FAM151B: variants seen among roughly 807,000 people sequenced by gnomAD.
FAM151B encodes protein FAM151B.
In FAM151B, 24 loss-of-function variants were observed where a neutral mutation model predicts 31.2. That is an observed-to-expected ratio of 0.77 (90% CI 0.56 to 1.08). FAM151B has a LOEUF of 1.08. FAM151B is among the 50% of genes least tolerant of loss of function. The probability of loss-of-function intolerance (pLI) is 0.00; values close to 1 mark genes in which losing one functional copy is unlikely to be tolerated. For missense variants in FAM151B, 293 were observed against 328.6 expected, an observed-to-expected ratio of 0.89 and a Z score of 0.84; for synonymous variants, 105 against 111.4, an observed-to-expected ratio of 0.94 and a Z score of 0.36.
At chr5:80,519,414 G>A (rs1744602363) in intron 3 of FAM151B, among the ~76,000 whole-genome samples, 1 of 152,120 alleles carries the variant, frequency 6.6e-6, no homozygotes, top group Non-Finnish European at 1.5e-5. Flanking sequence ...TCCTAATATG[G>A]AGTTTTGAAA....
chr5:80,530,131 A>G (rs1040843564), intron 5 of FAM151B, among the ~76,000 whole-genome samples: 1 of 152,208 alleles, frequency 6.6e-6, no homozygotes, highest in African/African-American at 2.4e-5. Flanking sequence ...CCAAAGACAA[A>G]AACCACATAA....
At chr5:80,538,706 C>T (rs1262783480) in intron 5 of FAM151B, among the ~76,000 whole-genome samples, 3 of 151,430 alleles carry the variant, frequency 2.0e-5, no homozygotes, top group Admixed American at 1.3e-4. Flanking sequence ...AAGTGATTCT[C>T]GTGTCTCAAC....
At chr5:80,535,283 A>G (rs974281753) in intron 5 of FAM151B, among the ~76,000 whole-genome samples, 13 of 152,240 alleles carry the variant, frequency 8.5e-5, no homozygotes, top group African/African-American at 2.4e-4. Flanking sequence ...AAGGCCCAGA[A>G]TAGCCGAAGT....
rs543826716 is a variant in FAM151B, at chr5:80,500,874, T to C, written c.26-918T>C. The C allele has an allele frequency of 2.1e-4, 183 of 881,146 alleles. No homozygotes were observed. The African/African-American group carries it at 2.8e-3, about 14-fold the overall frequency. 54.6% of individuals were successfully genotyped at this position (881,146 alleles called of 1,614,324 possible). A position where few individuals can be genotyped will look rare whatever the true frequency, so the allele number is the denominator to read the frequency against. On this transcript the variant is annotated intron_variant, in intron 1 of 5. Coordinates refer to ENST00000282226, the MANE Select transcript of FAM151B (RefSeq NM_205548.3). ...TGATTGTTCCATCTCTTGGTAAATATGGCATCCTCTGCATGGAGGATCTGA... is the reference window on the plus strand; with the variant it reads ...TGATTGTTCCATCTCTTGGTAAATACGGCATCCTCTGCATGGAGGATCTGA...
At chr5:80,497,823 G>T (rs982955548) in intron 1 of FAM151B, among the ~76,000 whole-genome samples, 9 of 151,538 alleles carry the variant, frequency 5.9e-5, no homozygotes, top group African/African-American at 1.9e-4. Context: ...GGGATAGCAT[G>T]AGGAGATATA....
At chr5:80,508,736 ACACCCCCGTCT>A (rs929395631) in intron 2 of FAM151B, among the ~76,000 whole-genome samples, 6 of 152,208 alleles carry the variant, frequency 3.9e-5, no homozygotes, top group African/African-American at 1.4e-4. Flanking sequence ...ATCAGAAGCC[ACACCCCCGTCT>A]CTTTGAGGTA....
chr5:80,510,204 C>T (rs1744129999), intron 2 of FAM151B, among the ~76,000 whole-genome samples: 1 of 152,134 alleles, frequency 6.6e-6, no homozygotes, highest in Non-Finnish European at 1.5e-5. Context: ...GTAGTACGGG[C>T]TTAGGACGTT....
At chr5:80,530,587 C>A (rs1175690692) in intron 5 of FAM151B, among the ~76,000 whole-genome samples, 1 of 152,114 alleles carries the variant, frequency 6.6e-6, no homozygotes, top group African/African-American at 2.4e-5. Flanking sequence ...TCCTATACAC[C>A]AATAACAGGC....
chr5:80,500,363 C>T (rs888423358), intron 1 of FAM151B: 3 of 1,150,826 alleles, frequency 2.6e-6, no homozygotes, highest in East Asian at 2.3e-5. Flanking sequence ...AGAGAAGGTT[C>T]CTGCTGTGCC....
At chr5:80,492,585 G>A (rs1743371067) in intron 1 of FAM151B, among the ~76,000 whole-genome samples, 1 of 152,134 alleles carries the variant, frequency 6.6e-6, no homozygotes, top group Non-Finnish European at 1.5e-5. Flanking sequence ...ATTGAAATTA[G>A]GCCAGTTAAT....
rs557752146 is a variant in FAM151B at position 80,519,811 on chromosome 5, G to C, written c.436G>C (p.Asp146His). 2.9e-4 allele frequency: 464 copies of C among 1,614,124 alleles called. 4 individuals carry two copies. In the South Asian group the frequency reaches 4.8e-3, roughly 17 times the overall value. The change falls in exon 4 of 6, where the codon GAT becomes CAT. Residue 146 changes from aspartate to histidine, a missense_variant. By Grantham distance (81) the Asp-to-His change is moderately conservative. Coordinates refer to ENST00000282226, the MANE Select transcript of FAM151B (RefSeq NM_205548.3). ...TCCAAATGGAAATAGCAAAGTAATAGATGCAAAACCATTTTTAGACACCGT... is the reference window on the plus strand; with the variant it reads ...TCCAAATGGAAATAGCAAAGTAATACATGCAAAACCATTTTTAGACACCGT... Reference protein sequence around the residue: ...PGPNGNSKVIDAKPFLDTVIS... With the variant: ...PGPNGNSKVIHAKPFLDTVIS...
intron 2 of FAM151B, among the ~76,000 whole-genome samples, chr5:80,506,492 G>T (rs1021098255): frequency 6.6e-6 from 1 of 152,140 alleles, no homozygotes; most frequent in Non-Finnish European, 1.5e-5. Flanking sequence ...AAATCTACTA[G>T]CTTGAATCTG....
intron 5 of FAM151B, among the ~76,000 whole-genome samples, chr5:80,536,561 A>C (rs1204749721): frequency 6.6e-6 from 1 of 152,168 alleles, no homozygotes; most frequent in African/African-American, 2.4e-5. Context: ...AACAAAAGAA[A>C]GGAAATCAGT....
At chr5:80,513,814 C>T in intron 3 of FAM151B, 45 bp downstream of exon 3, 1 of 1,525,580 alleles carries the variant, frequency 6.6e-7, no homozygotes, top group Non-Finnish European at 8.9e-7. Context: ...AAAGTAATAG[C>T]TGTGCCTGAC....
intron 2 of FAM151B, chr5:80,506,180 T>A: frequency 1.1e-6 from 1 of 903,888 alleles, no homozygotes; most frequent in Non-Finnish European, 1.3e-6. Flanking sequence ...TCCTGATGAT[T>A]CATATTGCTC....
chr5:80,533,873 T>A (rs370952982), intron 5 of FAM151B, among the ~76,000 whole-genome samples: 2 of 151,352 alleles, frequency 1.3e-5, no homozygotes, highest in East Asian at 1.9e-4. Context: ...TTTAGCCAGA[T>A]TAAGAAAAAA....
chr5:80,489,781 C>T (rs1292657804), intron 1 of FAM151B, among the ~76,000 whole-genome samples: 3 of 152,042 alleles, frequency 2.0e-5, no homozygotes, highest in African/African-American at 2.4e-5. Context: ...AATAATTAGC[C>T]GGGCGTGGTG....
At chr5:80,513,531 A>T in intron 2 of FAM151B, 73 bp from the exon 3 acceptor site, 1 of 1,398,700 alleles carries the variant, frequency 7.1e-7, no homozygotes, top group Non-Finnish European at 9.7e-7. Context: ...TCAAAAGGAT[A>T]CTGAACATGG....
At chr5:80,530,392 C>T (rs1271218271) in intron 5 of FAM151B, among the ~76,000 whole-genome samples, 4 of 151,960 alleles carry the variant, frequency 2.6e-5, no homozygotes, top group Non-Finnish European at 5.9e-5. Context: ...CCAGGGCAAT[C>T]AGGCAGGAGA....
Sources: gnomAD v4.1 joint callset for allele counts (sites outside exome capture counted in the v4.1 genomes callset) on GRCh38, gnomAD v4.1.1 for gene constraint, MANE v1.5 for transcripts, NCBI Gene and HGNC (gene_info 2026-07-23, HGNC 2026-07-21) for gene names.